MMACHC: variants seen among roughly 807,000 people sequenced by gnomAD.
MMACHC encodes the protein cyanocobalamin reductase / alkylcobalamin dealkylase.
MMACHC carries 14 observed loss-of-function variants against 17.6 expected under a neutral mutation model. That is an observed-to-expected ratio of 0.80 (90% confidence interval 0.53 to 1.25). MMACHC has a LOEUF of 1.25. MMACHC is among the 50% of genes most tolerant of loss of function. The pLI is 0.00. For synonymous variants in MMACHC, 151 were observed against 142.1 expected, an observed-to-expected ratio of 1.06 and a Z score of -0.45; for missense variants, 392 against 364.5, an observed-to-expected ratio of 1.08 and a Z score of -0.62.
intron 1 of MMACHC, among the ~76,000 whole-genome samples, chr1:45,500,725 G>A (rs998098513): frequency 1.3e-5 from 2 of 151,994 alleles, no homozygotes; most frequent in African/African-American, 2.4e-5. Context: ...TTAGCCGGGC[G>A]TGGTGGTGCA....
At chr1:45,500,865 CA>C (rs11374269) in intron 1 of MMACHC, among the ~76,000 whole-genome samples, 1,148 of 86,332 alleles carry the variant, frequency 0.013, 6 homozygotes, top group South Asian at 0.052. Context: ...AACTCCGTGT[CA>C]AAAAAAAAAA....
Position 45,511,267 on chromosome 1 carries a change from T to G in MMACHC, c.*2052T>G. The G allele has an allele frequency of 7.5e-6, 10 of 1,329,432 alleles. No homozygotes were observed. The highest frequency in any genetic ancestry group is 1.0e-5 in the Non-Finnish European group (10 of 967,780). The allele number at this position is 1,329,432 out of a possible 1,614,324, so 82.4% of individuals were successfully genotyped here. Reference sequence around the variant, plus strand: ...GTGTTTTACTAATGGAAAAAAAAAATACAGAAGAGGTTTTGTTCTCATGGC... The same window carrying G: ...GTGTTTTACTAATGGAAAAAAAAAAGACAGAAGAGGTTTTGTTCTCATGGC... On this transcript the variant is annotated 3_prime_UTR_variant, in exon 4 of 4. Transcript: ENST00000401061.
At position 45,509,806 on chromosome 1, in the gene MMACHC, G is replaced by C. The variant is rs1643705328; in HGVS notation, c.*591G>C. 6.6e-6 allele frequency: 1 copy of C among 152,164 alleles called. No individual in the cohort carries two copies. Among genetic ancestry groups the C allele is most frequent in the African/African-American group, 2.4e-5 (1 of 41,360 alleles). 9.4% of individuals were successfully genotyped at this position (152,164 alleles called of 1,614,324 possible). A position where few individuals can be genotyped will look rare whatever the true frequency, so the allele number is the denominator to read the frequency against. ...CCTCTAAAGAGTACCTACCAGCAGG[G>C]TGTGGTGGCTCCCGCCTGTAATCCC... On this transcript the variant is annotated 3_prime_UTR_variant, in exon 4 of 4. Coordinates refer to ENST00000401061, the MANE Select transcript of MMACHC (RefSeq NM_015506.3).
At chr1:45,508,421 C>G in intron 3 of MMACHC, 57 bp downstream of exon 3, 4 of 1,585,704 alleles carry the variant, frequency 2.5e-6, no homozygotes, top group Non-Finnish European at 3.5e-6. Flanking sequence ...CTCTCCCTAC[C>G]AGGTCCCACA....
chr1:45,504,808 T>C (rs1643591525), intron 1 of MMACHC, among the ~76,000 whole-genome samples: 1 of 152,174 alleles, frequency 6.6e-6, no homozygotes, highest in Non-Finnish European at 1.5e-5. Context: ...CAGTTCATCA[T>C]TAACTGATAA....
chr1:45,511,295 C>T lies in MMACHC; in HGVS notation c.*2080C>T. 1 of 1,521,782 alleles carries T rather than the reference C, an allele frequency of 6.6e-7. No homozygotes were observed. Among genetic ancestry groups the T allele is most frequent in the Non-Finnish European group, 8.9e-7 (1 of 1,119,252 alleles). 94.3% of individuals were successfully genotyped at this position (1,521,782 alleles called of 1,614,324 possible). ...AGAAGAGGTTTTGTTCTCATGGCTG[C>T]CCACCGCAGCCTGGCACTAAAACAG... On this transcript the variant is annotated 3_prime_UTR_variant, in exon 4 of 4. Coordinates refer to ENST00000401061, the MANE Select transcript of MMACHC (RefSeq NM_015506.3).
rs767496391 is a variant in MMACHC at position 45,509,062 on chromosome 1, C to T, written c.696C>T (p.Ala232=). 6.1e-5 allele frequency: 99 copies of T among 1,613,660 alleles called. 1 individual carries two copies. The South Asian group carries it at 7.4e-4, about 12-fold the overall frequency. Residue 232 remains alanine (A), a synonymous_variant, in exon 4 of 4, where the codon GCC becomes GCT. Transcript: ENST00000401061. ...YFSTPPAQRL[A]LLGLAQPSEK... is the part of the protein sequence containing the mutation. ...CCACTCCACCTGCCCAACGATTGGC[C>T]CTATTGGGCTTGGCTCAGCCCTCAG... is the stretch of plus-strand genomic sequence containing the variant.
rs1643667137 is a variant in MMACHC, at chr1:45,508,321, A to G, written c.386A>G (p.Tyr129Cys). The G allele has an allele frequency of 1.2e-6, 2 of 1,614,184 alleles. No homozygotes were observed. The highest frequency in any genetic ancestry group is 8.5e-7 in the Non-Finnish European group (1 of 1,180,018). Reference sequence around the variant, plus strand: ...GCCCATGTAGCTGGGGCTGCTTACTACTACCAACGACAAGATGTGGAGGCT... The same window carrying G: ...GCCCATGTAGCTGGGGCTGCTTACTGCTACCAACGACAAGATGTGGAGGCT... The part of the protein sequence containing the change: ...TAAHVAGAAY[Y>C]YQRQDVEADP... Residue 129 changes from tyrosine to cysteine, a missense_variant, in exon 3 of 4, where the codon TAC becomes TGC. Coordinates refer to ENST00000401061, the MANE Select transcript of MMACHC (RefSeq NM_015506.3).
At position 45,509,214 on chromosome 1, in the gene MMACHC, G is replaced by T. The variant is rs201025783; in HGVS notation, c.848G>T (p.Ter283LeuextTer14). ...RVSPPASPGP* is the reference protein window; with the variant it reads ...RVSPPASPGPL ...TCACCACCTGCATCCCCTGGCCCTTGATTTTCTCCCATGTGGACCCTGATT... is the reference window on the plus strand; with the variant it reads ...TCACCACCTGCATCCCCTGGCCCTTTATTTTCTCCCATGTGGACCCTGATT... The change falls in exon 4 of 4, where the codon TGA becomes TTA. Residue 283 changes from the stop codon to leucine (L), a stop_lost. Coordinates refer to ENST00000401061, the MANE Select transcript of MMACHC (RefSeq NM_015506.3). The T allele has an allele frequency of 2.3e-4, 372 of 1,613,930 alleles. 4 individuals are homozygous for T. The Admixed American group carries it at 6.1e-3, about 27-fold the overall frequency.
At chr1:45,506,069 G>A (rs556549245) in intron 1 of MMACHC, among the ~76,000 whole-genome samples, 1 of 152,132 alleles carries the variant, frequency 6.6e-6, no homozygotes, top group Non-Finnish European at 1.5e-5. Flanking sequence ...TGAAGACATA[G>A]CTTGCTGCCA....
rs748234861 is a variant in MMACHC at position 45,511,428 on chromosome 1, G to A, written c.*2213G>A. 6.2e-7 allele frequency: 1 copy of A among 1,607,046 alleles called. No homozygotes were observed. Among genetic ancestry groups the A allele is most frequent in the South Asian group, 1.1e-5 (1 of 90,450 alleles). ...CAGCTGGGCACACTGCAAGAGAAAG[G>A]CACCACTAATTAATAACCTTCTCAA... is the stretch of plus-strand genomic sequence containing the variant. On this transcript the variant is annotated 3_prime_UTR_variant, in exon 4 of 4. Transcript: ENST00000401061.
At chr1:45,508,582 G>A (rs759702028) in intron 3 of MMACHC, among the ~76,000 whole-genome samples, 1 of 152,202 alleles carries the variant, frequency 6.6e-6, no homozygotes, top group East Asian at 1.9e-4. Flanking sequence ...GATACAGGGG[G>A]CACAGCAGTG....
rs747527726 is a variant in MMACHC, at chr1:45,508,981, C to G, written c.615C>G (p.Tyr205Ter). 20 of 1,614,078 alleles carry G rather than the reference C, an allele frequency of 1.2e-5. No individual in the cohort carries two copies. Among genetic ancestry groups the G allele is most frequent in the Admixed American group, 1.2e-4 (7 of 59,998 alleles). Residue 205 changes from tyrosine to a stop codon, truncating the protein, a stop_gained, in exon 4 of 4, where the codon TAC becomes TAG. Coordinates refer to ENST00000401061, the MANE Select transcript of MMACHC (RefSeq NM_015506.3). LOFTEE classifies it low-confidence loss of function (END_TRUNC). ...GFNFHWRDWTYRDAVTPQERY... is the reference protein window; with the variant it reads ...GFNFHWRDWT ...ATTTCCACTGGCGTGATTGGACTTA[C>G]CGGGATGCTGTGACACCCCAGGAGC... is the stretch of plus-strand genomic sequence containing the variant.
rs1233607673 is a variant in MMACHC, at chr1:45,510,510, CATA to C, written c.*1298_*1300del. 2 of 152,216 alleles carry C rather than the reference CATA, an allele frequency of 1.3e-5. No homozygotes were observed. Among genetic ancestry groups the C allele is most frequent in the Admixed American group, 1.3e-4 (2 of 15,270 alleles). The allele number at this position is 152,216 out of a possible 1,614,324, so 9.4% of individuals were successfully genotyped here. ...AGGAATTCAGAACCACTCTGGGCAA[CATA>C]ATGACACTAAAAAAGACTATCTCTA... On this transcript the variant is annotated 3_prime_UTR_variant, in exon 4 of 4. Coordinates refer to ENST00000401061, the MANE Select transcript of MMACHC (RefSeq NM_015506.3).
At chr1:45,508,560 G>C (rs146432356) in intron 3 of MMACHC, among the ~76,000 whole-genome samples, 196 bp downstream of exon 3, 1 of 152,316 alleles carries the variant, frequency 6.6e-6, no homozygotes, top group Non-Finnish European at 1.5e-5. Context: ...TTAGTCTGCA[G>C]AACTGTCTTA....
At position 45,510,291 on chromosome 1, in the gene MMACHC, G is replaced by A. The variant is rs1257903950; in HGVS notation, c.*1076G>A. On this transcript the variant is annotated 3_prime_UTR_variant, in exon 4 of 4. Coordinates refer to ENST00000401061, the MANE Select transcript of MMACHC (RefSeq NM_015506.3). ...ACAAGTGGCTGGAATGGTATCACAT[G>A]ATACACAGAAGTATCCTCAGTTCTG... 1 of 152,160 alleles carries A rather than the reference G, an allele frequency of 6.6e-6. No individual in the cohort carries two copies. Among genetic ancestry groups the A allele is most frequent in the South Asian group, 2.1e-4 (1 of 4,828 alleles). The allele number at this position is 152,160 out of a possible 1,614,324, so 9.4% of individuals were successfully genotyped here.
At chr1:45,502,992 A>G (rs1198542989) in intron 1 of MMACHC, among the ~76,000 whole-genome samples, 1 of 151,986 alleles carries the variant, frequency 6.6e-6, no homozygotes, top group Non-Finnish European at 1.5e-5. Flanking sequence ...GGCATGAGCC[A>G]CCATGCCCGG....
At position 45,508,258 on chromosome 1, in the gene MMACHC, A is replaced by G; in HGVS notation, c.323A>G (p.His108Arg). 1.2e-6 allele frequency: 2 copies of G among 1,614,114 alleles called. No individual in the cohort carries two copies. The highest frequency in any genetic ancestry group is 2.2e-5 in the South Asian group (2 of 91,074). Residue 108 changes from histidine to arginine, a missense_variant, in exon 3 of 4, where the codon CAC (histidine) becomes CGC (arginine). His to Arg is a conservative substitution (Grantham distance 29). Transcript: ENST00000401061. The stretch of plus-strand genomic sequence containing the variant: ...GAAATCATTGCTGACTACGAGGTGC[A>G]CCCCAACCGACGCCCCAAGATCCTG... ...QIEIIADYEV[H>R]PNRRPKILAQ...
rs888955256 is a variant in MMACHC, at chr1:45,512,721, C to T, written c.*3506C>T. On this transcript the variant is annotated 3_prime_UTR_variant, in exon 4 of 4. Coordinates refer to ENST00000401061, the MANE Select transcript of MMACHC (RefSeq NM_015506.3). The stretch of plus-strand genomic sequence containing the variant: ...TTCCTAGGAAAGTCCAGTTAAAGGG[C>T]CTACTTTGCCACTGCTGCCTCCTTC... The T allele has an allele frequency of 6.6e-6, 1 of 152,078 alleles. No individual in the cohort carries two copies. The highest frequency in any genetic ancestry group is 1.5e-5 in the Non-Finnish European group (1 of 67,990). The allele number at this position is 152,078 out of a possible 1,614,324, so 9.4% of individuals were successfully genotyped here. A position where few individuals can be genotyped will look rare whatever the true frequency, so the allele number is the denominator to read the frequency against.
Sources: gnomAD v4.1 joint callset for allele counts (sites outside exome capture counted in the v4.1 genomes callset) on GRCh38, gnomAD v4.1.1 for gene constraint, MANE v1.5 for transcripts, NCBI Gene and HGNC (gene_info 2026-07-23, HGNC 2026-07-21) for gene names.